The following CTNNA1 variants were observed in gnomAD, a reference collection of about 807,000 sequenced individuals.
The protein encoded by CTNNA1 is catenin alpha 1.
In CTNNA1, 37 loss-of-function variants were observed where a neutral mutation model predicts 98.4. That is an observed-to-expected ratio of 0.38 (90% CI 0.29 to 0.49). The LOEUF (loss-of-function observed/expected upper bound fraction) is 0.49. CTNNA1 is among the 20% of genes least tolerant of loss of function. The pLI, the probability that CTNNA1 is intolerant of heterozygous loss-of-function variation, is 0.95. For missense variants in CTNNA1, 761 were observed against 1,147.2 expected (o/e 0.66, Z 4.86); for synonymous variants, 404 against 413.2 (o/e 0.98, Z 0.27).
At chr5:138,809,123 T>G (rs1360648025) in intron 3 of CTNNA1, among the ~76,000 whole-genome samples, 4 of 152,226 alleles carry the variant, frequency 2.6e-5, no homozygotes, top group Non-Finnish European at 5.9e-5. Flanking sequence ...GCGCCGAGAT[T>G]GCTGGTGTAA....
intron 6 of CTNNA1, among the ~76,000 whole-genome samples, chr5:138,825,943 G>C (rs1561566427): frequency 6.6e-6 from 1 of 152,106 alleles, no homozygotes; most frequent in Non-Finnish European, 1.5e-5. Context: ...AGCACATTTT[G>C]CCCTAAGTTG....
chr5:138,816,781 A>G (rs1037275373), intron 5 of CTNNA1, among the ~76,000 whole-genome samples: 4 of 151,488 alleles, frequency 2.6e-5, no homozygotes, highest in Non-Finnish European at 5.9e-5. Context: ...ACTCACTGCA[A>G]CCTCCACTTC....
chr5:138,851,806 A>G (rs1220881550), intron 7 of CTNNA1, among the ~76,000 whole-genome samples: 3 of 151,958 alleles, frequency 2.0e-5, no homozygotes. Context: ...CTGTAATCCC[A>G]GTACTATGGG....
intron 9 of CTNNA1, 174 bp downstream of exon 9, chr5:138,887,816 CT>C: frequency 1.8e-6 from 1 of 553,102 alleles, no homozygotes; most frequent in Non-Finnish European, 3.1e-6. Flanking sequence ...ATTTTGGTCA[CT>C]TTACATTAAC....
At chr5:138,908,866 C>T (rs1006338823) in intron 10 of CTNNA1, among the ~76,000 whole-genome samples, 2 of 151,992 alleles carry the variant, frequency 1.3e-5, no homozygotes, top group South Asian at 4.2e-4. Context: ...TGCCTCCATC[C>T]GAGCAGAGCG....
At chr5:138,845,270 G>A (rs1291404297) in intron 7 of CTNNA1, among the ~76,000 whole-genome samples, 1 of 152,144 alleles carries the variant, frequency 6.6e-6, no homozygotes, top group African/African-American at 2.4e-5. Flanking sequence ...ACACATTAAG[G>A]ACTAATGACT....
At chr5:138,791,358 T>A (rs1756338185) in intron 3 of CTNNA1, among the ~76,000 whole-genome samples, 1 of 151,956 alleles carries the variant, frequency 6.6e-6, no homozygotes, top group Non-Finnish European at 1.5e-5. Flanking sequence ...GTGGCTCATG[T>A]CTGTAATCCC....
intron 7 of CTNNA1, among the ~76,000 whole-genome samples, chr5:138,879,862 T>C (rs1752516638): frequency 6.6e-6 from 1 of 152,236 alleles, no homozygotes; most frequent in Admixed American, 6.5e-5. Flanking sequence ...AGTGTTTCTT[T>C]GGATGCACCT....
chr5:138,779,082 T>C (rs1012770387), intron 1 of CTNNA1, among the ~76,000 whole-genome samples: 3 of 152,196 alleles, frequency 2.0e-5, no homozygotes, highest in Admixed American at 1.3e-4. Flanking sequence ...TTTCACCACA[T>C]TGGCCAGGCT....
At chr5:138,776,683 C>G (rs1754247121) in intron 1 of CTNNA1, among the ~76,000 whole-genome samples, 1 of 149,368 alleles carries the variant, frequency 6.7e-6, no homozygotes, top group African/African-American at 2.5e-5. Context: ...GCTGACCCCC[C>G]CACCTCCCTC....
At chr5:138,771,731 G>A (rs918197631) in intron 1 of CTNNA1, among the ~76,000 whole-genome samples, 2 of 152,250 alleles carry the variant, frequency 1.3e-5, no homozygotes. Flanking sequence ...TTTGAGAGTT[G>A]AGGTTCCAAA....
intron 5 of CTNNA1, among the ~76,000 whole-genome samples, chr5:138,821,164 G>T (rs188710118): frequency 6.6e-6 from 1 of 152,352 alleles, no homozygotes; most frequent in South Asian, 2.1e-4. Context: ...GACTAGAAGT[G>T]TTGAATCTCC....
At chr5:138,785,993 T>A (rs2149664830) in intron 3 of CTNNA1, among the ~76,000 whole-genome samples, 1 of 152,326 alleles carries the variant, frequency 6.6e-6, no homozygotes, top group East Asian at 1.9e-4. Context: ...TATGTAGCAA[T>A]CATGGTATAA....
chr5:138,850,120 C>T (rs577899100), intron 7 of CTNNA1, among the ~76,000 whole-genome samples: 1 of 151,980 alleles, frequency 6.6e-6, no homozygotes, highest in Non-Finnish European at 1.5e-5. Flanking sequence ...TTGTTTTTTT[C>T]CTCTAAAACA....
chr5:138,802,603 T>C (rs1757698098), intron 3 of CTNNA1, among the ~76,000 whole-genome samples: 1 of 152,222 alleles, frequency 6.6e-6, no homozygotes, highest in Non-Finnish European at 1.5e-5. Context: ...AATCTCTGAT[T>C]AAGATCAGGT....
chr5:138,861,002 C>T (rs1420774353), intron 7 of CTNNA1, among the ~76,000 whole-genome samples: 1 of 152,034 alleles, frequency 6.6e-6, no homozygotes, highest in East Asian at 1.9e-4. Flanking sequence ...AGAGGTAGCG[C>T]TGTCAAGGCA....
rs1348963276 is a variant in CTNNA1, at chr5:138,924,600, G to A, written c.1637G>A (p.Arg546Gln). 2 of 1,614,024 alleles carry A rather than the reference G, an allele frequency of 1.2e-6. No homozygotes were observed. Among genetic ancestry groups the A allele is most frequent in the Non-Finnish European group, 1.7e-6 (2 of 1,180,032 alleles). ...DGLDRTAGAI[R>Q]GRAARVIHVV... ...CTGGACCGCACAGCTGGTGCAATTCGAGGCCGGGCAGCCCGGGTCATTCAC... is the reference window on the plus strand; with the variant it reads ...CTGGACCGCACAGCTGGTGCAATTCAAGGCCGGGCAGCCCGGGTCATTCAC... Residue 546 changes from arginine to glutamine, a missense_variant, in exon 12 of 18, where the codon CGA (arginine) becomes CAA (glutamine). This residue lies in a region of CTNNA1 where 287 missense variants were observed against 436.0 expected (regional missense o/e 0.66). Transcript: ENST00000302763.
At position 138,831,694 on chromosome 5, in the gene CTNNA1, G is replaced by A. The variant is rs140745763; in HGVS notation, c.1062+3976G>A. Among the ~76,000 whole-genome samples, 703 of 152,172 alleles carry A rather than the reference G, an allele frequency of 4.6e-3. 2 individuals are homozygous for A. Among genetic ancestry groups the A allele is most frequent in the Non-Finnish European group, 7.4e-3 (502 of 67,980 alleles). ...GGTGCTTGAAGTTTTGTGCCTTATTGTATACTCCCTTGAATTGTTGTTTAA... is the reference window on the plus strand; with the variant it reads ...GGTGCTTGAAGTTTTGTGCCTTATTATATACTCCCTTGAATTGTTGTTTAA... On this transcript the variant is annotated intron_variant, in intron 7 of 17. Coordinates refer to ENST00000302763, the MANE Select transcript of CTNNA1 (RefSeq NM_001903.5).
At chr5:138,756,460 C>G (rs1751658498) in intron 1 of CTNNA1, among the ~76,000 whole-genome samples, 1 of 152,152 alleles carries the variant, frequency 6.6e-6, no homozygotes. Context: ...AGCCACCGCA[C>G]TTTCGGATTT....
Sources: allele counts gnomAD v4.1 joint callset (sites outside exome capture counted in the v4.1 genomes callset), GRCh38; gene constraint gnomAD v4.1.1; regional missense constraint gnomAD v4.1.1; transcripts MANE v1.5; gene names NCBI Gene and HGNC (gene_info 2026-07-23, HGNC 2026-07-21).